Variants in DENND6A observed in about 807,000 individuals in gnomAD.
DENND6A encodes the protein protein DENND6A.
In DENND6A, 43 loss-of-function variants were observed where a neutral mutation model predicts 95.5. The ratio of observed to expected loss-of-function variants is 0.45; its 90% CI spans 0.35 to 0.58. The LOEUF (loss-of-function observed/expected upper bound fraction) is 0.58, where lower values mean the gene tolerates loss of function less well. DENND6A is among the 20% of genes least tolerant of loss of function. The pLI is 0.00. For missense variants in DENND6A, 574 were observed against 736.0 expected (o/e 0.78, Z 2.55); for synonymous variants, 257 against 260.4 (o/e 0.99, Z 0.13).
chr3:57,640,421 C>T (rs1559808047), intron 12 of DENND6A, among the ~76,000 whole-genome samples: 2 of 151,910 alleles, frequency 1.3e-5, no homozygotes, highest in Admixed American at 6.6e-5. Context: ...GGCAAAACCC[C>T]GTCTCTATTA....
At chr3:57,652,043 T>C (rs2071220410) in intron 9 of DENND6A, among the ~76,000 whole-genome samples, 2 of 151,838 alleles carry the variant, frequency 1.3e-5, no homozygotes, top group Admixed American at 1.3e-4. Context: ...ACAAAAATAA[T>C]AAAATAAAAA....
rs75005387 is a variant in DENND6A at position 57,649,924 on chromosome 3, C to T, written c.819-3486G>A. ...GGCTCTGACTCTCTGTATATATATA[C>T]ACACACACACACACACACCGTGGAA... On this transcript the variant is annotated intron_variant, in intron 9 of 19. Coordinates refer to ENST00000311128, the MANE Select transcript of DENND6A (RefSeq NM_152678.3). Among the ~76,000 whole-genome samples the T allele has an allele frequency of 4.9e-3, 254 of 51,884 alleles. 2 individuals are homozygous for T. The highest frequency in any genetic ancestry group is 9.0e-3 in the African/African-American group (175 of 19,402). The allele number at this position is 51,884 out of a possible 152,430, so 34.0% of individuals were successfully genotyped here. A position where few individuals can be genotyped will look rare whatever the true frequency, so the allele number is the denominator to read the frequency against.
intron 3 of DENND6A, among the ~76,000 whole-genome samples, chr3:57,670,953 T>C (rs1178396194): frequency 3.3e-5 from 5 of 152,278 alleles, no homozygotes; most frequent in Middle Eastern, 3.4e-3. Context: ...GAAATGAAGA[T>C]ACATTCCTAC....
rs1166772042 is a variant in DENND6A, at chr3:57,626,995, A to G, written c.*1219T>C. 1 of 152,216 alleles carries G rather than the reference A, an allele frequency of 6.6e-6. No homozygotes were observed. Among genetic ancestry groups the G allele is most frequent in the Non-Finnish European group, 1.5e-5 (1 of 68,042 alleles). 9.4% of individuals were successfully genotyped at this position (152,216 alleles called of 1,614,324 possible). On this transcript the variant is annotated 3_prime_UTR_variant, in exon 20 of 20. Coordinates refer to ENST00000311128, the MANE Select transcript of DENND6A (RefSeq NM_152678.3). ...CAATCTTATCATCACTCAAATAAGT[A>G]TCACATAAAAAACTCATGAATGCCT...
rs918905803 is a variant in DENND6A, at chr3:57,641,259, T to G, written c.1132+394A>C. 1.5e-3 allele frequency among the ~76,000 whole-genome samples: 213 copies of G among 144,210 alleles called. 1 individual carries two copies. The highest frequency in any genetic ancestry group is 3.6e-3 in the South Asian group (17 of 4,734). 94.6% of individuals were successfully genotyped at this position (144,210 alleles called of 152,430 possible). ...TTTAAATATATATTATATATTTATA[T>G]TCAATGTTATATTAAAATATATATT... is the stretch of plus-strand genomic sequence containing the variant. On this transcript the variant is annotated intron_variant, in intron 12 of 19. Transcript: ENST00000311128.
chr3:57,674,259 G>A (rs2153416589), intron 1 of DENND6A, among the ~76,000 whole-genome samples: 1 of 152,180 alleles, frequency 6.6e-6, no homozygotes, highest in East Asian at 1.9e-4. Context: ...TGTAGTCCCA[G>A]CTGCTGGGGA....
chr3:57,674,161 T>C (rs7647130), intron 1 of DENND6A, among the ~76,000 whole-genome samples: 1,551 of 151,748 alleles, frequency 0.01, 30 homozygotes, highest in African/African-American at 0.035. Flanking sequence ...GGTGGGAGGA[T>C]CACGAGGGCA....
chr3:57,673,235 AAG>A (rs2071650661), intron 1 of DENND6A, among the ~76,000 whole-genome samples: 1 of 145,500 alleles, frequency 6.9e-6, no homozygotes. Context: ...AAAAAAAAGA[AAG>A]AAAAAGAAAA....
intron 9 of DENND6A, chr3:57,654,726 T>G: frequency 1.0e-6 from 1 of 985,158 alleles, no homozygotes; most frequent in Non-Finnish European, 1.2e-6. Flanking sequence ...GGAATAGACC[T>G]TGACCTAGTG....
chr3:57,664,316 T>C (rs974220685), intron 4 of DENND6A, among the ~76,000 whole-genome samples: 3 of 152,196 alleles, frequency 2.0e-5, no homozygotes, highest in African/African-American at 7.2e-5. Context: ...AGCATAACAA[T>C]GTTTATCAAC....
Position 57,630,795 on chromosome 3 carries a change from T to C in DENND6A, c.1437A>G (p.Pro479=), listed in dbSNP as rs745339005. 2 of 1,613,950 alleles carry C rather than the reference T, an allele frequency of 1.2e-6. No homozygotes were observed. Among genetic ancestry groups the C allele is most frequent in the Non-Finnish European group, 1.7e-6 (2 of 1,180,004 alleles). Residue 479 remains proline (P), a synonymous_variant, in exon 17 of 20, where the codon CCA becomes CCG. Coordinates refer to ENST00000311128, the MANE Select transcript of DENND6A (RefSeq NM_152678.3). ...KSPPQLRQFL[P]EEFMKTLEKT... ...TCTCAAGTGTTTTCATAAATTCTTC[T>C]GGAAGAAACTGTCTTAATTGAGGTG...
chr3:57,688,731 T>G (rs530444321), intron 1 of DENND6A, among the ~76,000 whole-genome samples: 2 of 151,738 alleles, frequency 1.3e-5, no homozygotes, highest in East Asian at 3.9e-4. Flanking sequence ...GCTTTCCAAA[T>G]CCCACAGGTT....
At chr3:57,632,934 G>A (rs1334186793) in intron 15 of DENND6A, among the ~76,000 whole-genome samples, 1 of 152,118 alleles carries the variant, frequency 6.6e-6, no homozygotes, top group Non-Finnish European at 1.5e-5. Context: ...TTCTTTTAAG[G>A]TGAAAAATGT....
chr3:57,628,042 G>C lies in DENND6A; in HGVS notation c.*172C>G. ...CCACCACAGATATCCACTTTAAAAA[G>C]TAATGCACTAAAAAGGTCTGTTTAT... is the stretch of plus-strand genomic sequence containing the variant. On this transcript the variant is annotated 3_prime_UTR_variant, in exon 20 of 20. Transcript: ENST00000311128. 1.2e-6 allele frequency: 1 copy of C among 818,402 alleles called. No individual in the cohort carries two copies. The highest frequency in any genetic ancestry group is 2.8e-5 in the East Asian group (1 of 35,108). The allele number at this position is 818,402 out of a possible 1,614,324, so 50.7% of individuals were successfully genotyped here.
intron 9 of DENND6A, among the ~76,000 whole-genome samples, chr3:57,655,389 T>A (rs1255592281): frequency 6.6e-6 from 1 of 152,198 alleles, no homozygotes; most frequent in South Asian, 2.1e-4. Flanking sequence ...AACAATATTA[T>A]GTAATTCATA....
intron 11 of DENND6A, among the ~76,000 whole-genome samples, chr3:57,643,308 G>T (rs1042213211): frequency 6.6e-6 from 1 of 152,002 alleles, no homozygotes; most frequent in Non-Finnish European, 1.5e-5. Context: ...TGAGATTAGG[G>T]GAGAAAAGAG....
intron 15 of DENND6A, among the ~76,000 whole-genome samples, chr3:57,631,883 C>T (rs1446420529): frequency 2.0e-5 from 3 of 150,466 alleles, no homozygotes; most frequent in Non-Finnish European, 3.0e-5. Flanking sequence ...CCACCACGCC[C>T]GGCTAATTTT....
intron 4 of DENND6A, 24 bp downstream of exon 4, chr3:57,666,099 T>C (rs1432238917): frequency 6.3e-7 from 1 of 1,588,460 alleles, no homozygotes; most frequent in Admixed American, 1.7e-5. Context: ...CACATGGACA[T>C]TTTCCTATGA....
chr3:57,636,773 C>A (rs371765936), intron 12 of DENND6A, among the ~76,000 whole-genome samples: 11 of 151,778 alleles, frequency 7.2e-5, no homozygotes, highest in African/African-American at 1.9e-4. Context: ...CCTGTCTCCA[C>A]TAAAAATACA....
Sources: gnomAD v4.1 joint callset for allele counts (sites outside exome capture counted in the v4.1 genomes callset) on GRCh38, gnomAD v4.1.1 for gene constraint, MANE v1.5 for transcripts, NCBI Gene and HGNC (gene_info 2026-07-23, HGNC 2026-07-21) for gene names.